Variants in MPP7 observed in about 807,000 individuals in gnomAD.
MPP7 encodes the protein MAGUK p55 scaffold protein 7.
A neutral mutation model predicts 76.5 loss-of-function variants in MPP7; 60 were observed. The ratio of observed to expected loss-of-function variants is 0.78; its 90% confidence interval spans 0.64 to 0.97. MPP7 has a LOEUF of 0.97. Among genes scored for constraint, MPP7 ranks in the 50% least tolerant of loss-of-function variants. The pLI, the probability that MPP7 is intolerant of heterozygous loss-of-function variation, is 0.00. For missense variants in MPP7, 641 were observed against 694.0 expected, an observed-to-expected ratio of 0.92 and a Z score of 0.86; for synonymous variants, 237 against 244.5, an observed-to-expected ratio of 0.97 and a Z score of 0.29.
chr10:28,109,867 A>AAAAAAAAAAC (rs1834447582), intron 11 of MPP7, among the ~76,000 whole-genome samples: 4 of 149,434 alleles, frequency 2.7e-5, no homozygotes, highest in African/African-American at 9.8e-5. Flanking sequence ...AAAAAAAAAA[A>AAAAAAAAAAC]AAAAAACACT....
At chr10:28,267,897 G>A (rs746467574) in intron 1 of MPP7, among the ~76,000 whole-genome samples, 10 of 152,034 alleles carry the variant, frequency 6.6e-5, no homozygotes, top group East Asian at 1.9e-4. Context: ...TTAGCCGGGC[G>A]TGCTGGTGCA....
chr10:28,334,615 A>C (rs1302431785), upstream of MPP7: 1 of 152,236 alleles, frequency 6.6e-6, no homozygotes, highest in Non-Finnish European at 1.5e-5. Flanking sequence ...CAAATCTACA[A>C]GGGTTAAAAT....
chr10:28,233,454 T>C (rs2134119749), intron 2 of MPP7, among the ~76,000 whole-genome samples: 1 of 152,094 alleles, frequency 6.6e-6, no homozygotes, highest in East Asian at 1.9e-4. Context: ...ACGCCTGTAA[T>C]CCCAGCACTT....
At chr10:28,131,752 T>C in intron 5 of MPP7, 61 bp from the exon 6 acceptor site, 1 of 895,350 alleles carries the variant, frequency 1.1e-6, no homozygotes. Flanking sequence ...TTATATGTAA[T>C]ATATATAAAA....
At position 28,109,848 on chromosome 10, in the gene MPP7, C is replaced by CA. The variant is rs869206744; in HGVS notation, c.952+9802dup. ...ACAGTTAGAAGGCCAGCCGCAGACG[C>CA]AAAAAAAAAAAAAAAAAAAAAAAAA... On this transcript the variant is annotated intron_variant, in intron 11 of 16. Transcript: ENST00000683449. Among the ~76,000 whole-genome samples the CA allele has an allele frequency of 6.6e-3, 127 of 19,204 alleles. 11 individuals are homozygous for CA. The highest frequency in any genetic ancestry group is 0.015 in the African/African-American group (60 of 4,024). The allele number at this position is 19,204 out of a possible 152,430, so 12.6% of individuals were successfully genotyped here. A position where few individuals can be genotyped will look rare whatever the true frequency, so the allele number is the denominator to read the frequency against.
intron 13 of MPP7, among the ~76,000 whole-genome samples, chr10:28,060,957 C>T (rs1457787896): frequency 6.6e-6 from 1 of 152,118 alleles, no homozygotes; most frequent in African/African-American, 2.4e-5. Flanking sequence ...AGATCTGAAC[C>T]ATGCACACAA....
intron 1 of MPP7, among the ~76,000 whole-genome samples, chr10:28,296,164 A>G (rs1399031463): frequency 6.6e-6 from 1 of 152,188 alleles, no homozygotes; most frequent in African/African-American, 2.4e-5. Context: ...TCAAAGGTAA[A>G]GAAAACTCTA....
chr10:28,261,941 A>AGAGGTCAG (rs954652126), intron 1 of MPP7, among the ~76,000 whole-genome samples: 11 of 151,162 alleles, frequency 7.3e-5, no homozygotes, highest in Admixed American at 7.3e-4. Context: ...CTTGAGGTCA[A>AGAGGTCAG]GAGTTCAAGA....
intron 11 of MPP7, among the ~76,000 whole-genome samples, chr10:28,109,103 C>G (rs1310974921): frequency 2.6e-5 from 4 of 152,160 alleles, no homozygotes; most frequent in Non-Finnish European, 5.9e-5. Flanking sequence ...GCCTGGCCAA[C>G]ATGGCGAAAC....
Position 28,124,022 on chromosome 10 carries a change from A to G in MPP7, c.615+9T>C. 1 of 1,573,808 alleles carries G rather than the reference A, an allele frequency of 6.4e-7. No individual in the cohort carries two copies. Among genetic ancestry groups the G allele is most frequent in the Non-Finnish European group, 8.7e-7 (1 of 1,144,040 alleles). The stretch of plus-strand genomic sequence containing the variant: ...TTTATTGTACCTTTAAAAGAAATTT[A>G]CAGCTTACCAAAATCTGTATTATTT... On this transcript the variant is annotated intron_variant, in intron 8 of 16. Transcript: ENST00000683449.
intron 3 of MPP7, among the ~76,000 whole-genome samples, chr10:28,152,517 C>T (rs1490234771): frequency 1.3e-5 from 2 of 152,204 alleles, no homozygotes; most frequent in African/African-American, 2.4e-5. Context: ...CACCCCAAGG[C>T]TATCCAACAG....
chr10:28,260,972 T>C (rs971327787), intron 1 of MPP7, among the ~76,000 whole-genome samples: 1 of 152,120 alleles, frequency 6.6e-6, no homozygotes, highest in African/African-American at 2.4e-5. Flanking sequence ...AATTACACTA[T>C]AAAATTTATT....
chr10:28,071,866 A>G (rs1036430127), intron 12 of MPP7, among the ~76,000 whole-genome samples: 2 of 152,176 alleles, frequency 1.3e-5, no homozygotes, highest in Non-Finnish European at 2.9e-5. Flanking sequence ...TTTGGATAGA[A>G]ACCACAGATC....
intron 1 of MPP7, among the ~76,000 whole-genome samples, chr10:28,256,013 T>C (rs1407037584): frequency 1.3e-5 from 2 of 152,172 alleles, no homozygotes; most frequent in Non-Finnish European, 2.9e-5. Context: ...CTGAAAATTC[T>C]ACTATCTGGA....
chr10:28,064,316 T>TC (rs2133344772), intron 13 of MPP7, among the ~76,000 whole-genome samples: 1 of 152,316 alleles, frequency 6.6e-6, no homozygotes, highest in East Asian at 1.9e-4. Context: ...AATCTTACAT[T>TC]CATTATGCTG....
chr10:28,262,241 A>ATATATATATATATATTTTTTT (rs1840002659), intron 1 of MPP7, among the ~76,000 whole-genome samples: 1 of 69,102 alleles, frequency 1.4e-5, no homozygotes, highest in Non-Finnish European at 2.3e-5. Context: ...ATATATATAT[A>ATATATATATATATATTTTTTT]TACATATATA....
At chr10:28,204,054 C>A (rs1365055992) in intron 2 of MPP7, among the ~76,000 whole-genome samples, 1 of 152,118 alleles carries the variant, frequency 6.6e-6, no homozygotes, top group African/African-American at 2.4e-5. Context: ...TAGATTCAAA[C>A]TCAAAGTCTA....
At chr10:28,150,908 T>G (rs1835863845) in intron 3 of MPP7, among the ~76,000 whole-genome samples, 1 of 152,178 alleles carries the variant, frequency 6.6e-6, no homozygotes, top group Admixed American at 6.5e-5. Context: ...AACACATAAC[T>G]GTCAGCACTT....
chr10:28,261,365 G>A (rs1839943665), intron 1 of MPP7, among the ~76,000 whole-genome samples: 2 of 152,126 alleles, frequency 1.3e-5, no homozygotes, highest in Non-Finnish European at 2.9e-5. Flanking sequence ...CGCTCCACTG[G>A]CCAGTGCTTT....
Sources: gnomAD v4.1 joint callset for allele counts (sites outside exome capture counted in the v4.1 genomes callset) on GRCh38, gnomAD v4.1.1 for gene constraint, MANE v1.5 for transcripts, NCBI Gene and HGNC (gene_info 2026-07-23, HGNC 2026-07-21) for gene names.